The following TGFBI variants were observed in gnomAD, a reference collection of about 807,000 sequenced individuals.
TGFBI encodes transforming growth factor-beta-induced protein ig-h3.
TGFBI carries 50 observed loss-of-function variants against 73.7 expected under a neutral mutation model. That is an observed-to-expected ratio of 0.68 (90% CI 0.54 to 0.86). The LOEUF is 0.86. Among genes scored for constraint, TGFBI ranks in the 40% least tolerant of loss-of-function variants. The pLI is 0.00. For synonymous variants in TGFBI, 362 were observed against 360.5 expected (o/e 1.00, Z -0.05); for missense variants, 839 against 877.0 (o/e 0.96, Z 0.55).
chr5:136,042,790 T>C (rs966420405), intron 2 of TGFBI, among the ~76,000 whole-genome samples: 3 of 152,180 alleles, frequency 2.0e-5, no homozygotes, highest in Admixed American at 6.5e-5. Context: ...GATCTGTCTC[T>C]GAAACACCCC....
rs760789364 is a variant in TGFBI, at chr5:136,059,095, G to A, written c.1684G>A (p.Ala562Thr). 3 of 1,611,210 alleles carry A rather than the reference G, an allele frequency of 1.9e-6. No individual in the cohort carries two copies. Among genetic ancestry groups the A allele is most frequent in the Non-Finnish European group, 2.5e-6 (3 of 1,178,836 alleles). ...PRERSRLLGD[A>T]KELANILKYH... ...CCTTTTCCCGCAACCTGCAGGAGAT[G>A]CCAAGGAACTTGCCAACATCCTGAA... Residue 562 changes from alanine (A) to threonine (T), a missense_variant, in exon 13 of 17, where the codon GCC becomes ACC. Physicochemically the swap from Ala to Thr is moderately conservative, Grantham distance 58 (BLOSUM62 0). Coordinates refer to ENST00000442011, the MANE Select transcript of TGFBI (RefSeq NM_000358.3).
At chr5:136,035,891 G>T (rs1009297612) in intron 2 of TGFBI, among the ~76,000 whole-genome samples, 1 of 152,074 alleles carries the variant, frequency 6.6e-6, no homozygotes, top group Non-Finnish European at 1.5e-5. Context: ...TGACAAGCTG[G>T]CTACAGGGTA....
rs767332806 is a variant in TGFBI at position 136,063,222 on chromosome 5, A to AT, written c.2050dup (p.Ter684LeufsTer3). ...CAAAAGTTATTAGAGAGGATGAAGC[A>AT]TTAGCTTGAAGCACTACAGGAGGAA... On this transcript the variant is annotated frameshift_variant, in exon 17 of 17. Coordinates refer to ENST00000442011, the MANE Select transcript of TGFBI (RefSeq NM_000358.3). LOFTEE classifies it high-confidence loss of function. 6.2e-7 allele frequency: 1 copy of AT among 1,613,728 alleles called. No homozygotes were observed. The highest frequency in any genetic ancestry group is 1.1e-5 in the South Asian group (1 of 90,994).
chr5:136,029,792 C>T (rs759803440), intron 1 of TGFBI, among the ~76,000 whole-genome samples: 64 of 152,182 alleles, frequency 4.2e-4, no homozygotes, highest in Non-Finnish European at 7.9e-4. Context: ...TGCACTGGGC[C>T]CTCACACACA....
Position 136,055,880 on chromosome 5 carries a change from C to T in TGFBI, c.1547+64C>T. The stretch of plus-strand genomic sequence containing the variant: ...GGTCATGCTGGAGTGGGATGTGGGG[C>T]CCCAGCTATTTGTCAAGCTTTCTTC... On this transcript the variant is annotated intron_variant, in intron 11 of 16. Coordinates refer to ENST00000442011, the MANE Select transcript of TGFBI (RefSeq NM_000358.3). 3 of 1,503,224 alleles carry T rather than the reference C, an allele frequency of 2.0e-6. 1 individual carries two copies. Among genetic ancestry groups the T allele is most frequent in the South Asian group, 2.6e-5 (2 of 75,534 alleles). 93.1% of individuals were successfully genotyped at this position (1,503,224 alleles called of 1,614,324 possible). A position where few individuals can be genotyped will look rare whatever the true frequency, so the allele number is the denominator to read the frequency against.
chr5:136,060,735 C>T (rs993655865), intron 13 of TGFBI, 99 bp from the exon 14 acceptor site: 47 of 976,032 alleles, frequency 4.8e-5, no homozygotes, highest in East Asian at 2.0e-4. Context: ...AGGAAAAAAA[C>T]GAAAACTGTT....
At chr5:136,040,673 T>C (rs1216261195) in intron 2 of TGFBI, among the ~76,000 whole-genome samples, 1 of 152,232 alleles carries the variant, frequency 6.6e-6, no homozygotes, top group Non-Finnish European at 1.5e-5. Context: ...TTAGACTGTA[T>C]CTGGCTGAGG....
chr5:136,036,103 G>A (rs1403151537), intron 2 of TGFBI, among the ~76,000 whole-genome samples: 2 of 152,218 alleles, frequency 1.3e-5, no homozygotes, highest in Non-Finnish European at 2.9e-5. Context: ...TGTTCCTGAT[G>A]AGCAGGTCAA....
chr5:136,029,050 C>A lies in TGFBI; in HGVS notation c.-6C>A, dbSNP rs748267766. 1.2e-5 allele frequency: 18 copies of A among 1,525,262 alleles called. No individual in the cohort carries two copies. Among genetic ancestry groups the A allele is most frequent in the Middle Eastern group, 2.3e-4 (1 of 4,364 alleles). The allele number at this position is 1,525,262 out of a possible 1,614,324, so 94.5% of individuals were successfully genotyped here. ...CTAGCTCGCTCGGTGCGCGTCGTCC[C>A]GCTCCATGGCGCTCTTCGTGCGGCT... is the stretch of plus-strand genomic sequence containing the variant. On this transcript the variant is annotated 5_prime_UTR_variant, in exon 1 of 17. Transcript: ENST00000442011.
intron 8 of TGFBI, among the ~76,000 whole-genome samples, chr5:136,053,517 A>C (rs545169960): frequency 1.8e-4 from 28 of 152,378 alleles, no homozygotes; most frequent in African/African-American, 6.5e-4. Flanking sequence ...GTGTCTCATT[A>C]GGAATCCTAG....
intron 12 of TGFBI, among the ~76,000 whole-genome samples, chr5:136,057,970 AG>A (rs1434828087): frequency 6.6e-6 from 1 of 151,832 alleles, no homozygotes; most frequent in Non-Finnish European, 1.5e-5. Flanking sequence ...ATTATGTGGG[AG>A]TTGAGGAGGG....
rs1289769709 is a variant in TGFBI at position 136,046,156 on chromosome 5, G to GT, written c.299-175dup. The GT allele has an allele frequency of 4.9e-6, 3 of 606,280 alleles. No individual in the cohort carries two copies. In the East Asian group the frequency reaches 8.5e-5, roughly 17 times the overall value. The allele number at this position is 606,280 out of a possible 1,614,324, so 37.6% of individuals were successfully genotyped here. A position where few individuals can be genotyped will look rare whatever the true frequency, so the allele number is the denominator to read the frequency against. ...AGACAGGCATTTGACTTATTGAGTT[G>GT]TTTTAAGAAGACTATAACAAGCCTT... On this transcript the variant is annotated intron_variant, in intron 3 of 16. Transcript: ENST00000442011.
In TGFBI at chr5:136,056,766, T is replaced by C; in HGVS notation, c.1649T>C (p.Leu550Pro). ...CCCACAAATGAAGCCTTCCGAGCCC[T>C]GCCACCAAGAGAACGGAGCAGACTC... Reference protein sequence around the residue: ...FAPTNEAFRALPPRERSRLLG... With the variant: ...FAPTNEAFRAPPPRERSRLLG... The change falls in exon 12 of 17, where the codon CTG (leucine) becomes CCG (proline). Residue 550 changes from leucine to proline, a missense_variant. Transcript: ENST00000442011. 1 of 1,613,872 alleles carries C rather than the reference T, an allele frequency of 6.2e-7. No homozygotes were observed. Among genetic ancestry groups the C allele is most frequent in the Non-Finnish European group, 8.5e-7 (1 of 1,179,854 alleles).
At chr5:136,055,915 G>A (rs1047918091) in intron 11 of TGFBI, 99 bp downstream of exon 11, 10 of 1,340,196 alleles carry the variant, frequency 7.5e-6, no homozygotes, top group Non-Finnish European at 9.0e-6. Flanking sequence ...CTACCTTGGG[G>A]ATTCAATTAA....
rs373018643 is a variant in TGFBI, at chr5:136,054,803, A to G, written c.1352A>G (p.His451Arg). 4.3e-6 allele frequency: 7 copies of G among 1,613,866 alleles called. No homozygotes were observed. Among genetic ancestry groups the G allele is most frequent in the Non-Finnish European group, 5.9e-6 (7 of 1,179,900 alleles). Residue 451 changes from histidine to arginine, a missense_variant, in exon 10 of 17, where the codon CAT becomes CGT. By Grantham distance (29) the His-to-Arg change is conservative. Transcript: ENST00000442011. ...KDQLASKYLY[H>R]GQTLETLGGK... ...CAGCTGGCCTCTAAGTATCTGTACC[A>G]TGGACAGACCCTGGAAACTCTGGGC...
At chr5:136,041,941 C>G (rs183326363) in intron 2 of TGFBI, among the ~76,000 whole-genome samples, 2 of 152,212 alleles carry the variant, frequency 1.3e-5, no homozygotes, top group Non-Finnish European at 2.9e-5. Context: ...CCAGCTTTCC[C>G]AGGGGCTCCA....
chr5:136,037,484 A>T (rs1049396169), intron 2 of TGFBI, among the ~76,000 whole-genome samples: 4 of 152,206 alleles, frequency 2.6e-5, no homozygotes, highest in Admixed American at 6.5e-5. Flanking sequence ...AGCCCCAGGG[A>T]GAGGAGGCCT....
chr5:136,056,610 G>T, intron 11 of TGFBI, 55 bp from the exon 12 acceptor site: 3 of 1,611,766 alleles, frequency 1.9e-6, no homozygotes, highest in Non-Finnish European at 2.5e-6. Flanking sequence ...GCGTGGTGAG[G>T]TATTTAAGGA....
At chr5:136,053,396 G>T (rs1385360431) in intron 8 of TGFBI, among the ~76,000 whole-genome samples, 3 of 152,232 alleles carry the variant, frequency 2.0e-5, no homozygotes. Context: ...TGCCTGCTGT[G>T]CATGGGCAAA....
Sources: allele counts gnomAD v4.1 joint callset (sites outside exome capture counted in the v4.1 genomes callset), GRCh38; gene constraint gnomAD v4.1.1; transcripts MANE v1.5; gene names NCBI Gene and HGNC (gene_info 2026-07-23, HGNC 2026-07-21).